Variants in SGMS1 observed in about 807,000 individuals in gnomAD.
SGMS1 encodes sphingomyelin synthase 1.
In SGMS1, 13 loss-of-function variants were observed where a neutral mutation model predicts 46.2. The ratio of observed to expected loss-of-function variants is 0.28; its 90% confidence interval spans 0.18 to 0.45. The LOEUF (loss-of-function observed/expected upper bound fraction) is 0.45, where lower values mean the gene tolerates loss of function less well. Among genes scored for constraint, SGMS1 ranks in the 20% least tolerant of loss-of-function variants. The pLI is 1.00. For synonymous variants in SGMS1, 203 were observed against 187.8 expected, an observed-to-expected ratio of 1.08 and a Z score of -0.66; for missense variants, 324 against 519.9, an observed-to-expected ratio of 0.62 and a Z score of 3.66.
chr10:50,327,173 A>C lies in SGMS1; in HGVS notation c.741+32T>G, dbSNP rs1847545155. The stretch of plus-strand genomic sequence containing the variant: ...CCCCAGGGCAAGACAAGAAACAAAC[A>C]GAAAGCGAAATTACAGCGAGGAATA... On this transcript the variant is annotated intron_variant, in intron 8 of 10. Transcript: ENST00000361781. 3.7e-6 allele frequency: 5 copies of C among 1,369,276 alleles called. No homozygotes were observed. In the East Asian group the frequency reaches 1.2e-4, roughly 32 times the overall value. The allele number at this position is 1,369,276 out of a possible 1,614,324, so 84.8% of individuals were successfully genotyped here.
intron 2 of SGMS1, among the ~76,000 whole-genome samples, chr10:50,544,064 T>C (rs1285537597): frequency 6.6e-6 from 1 of 152,220 alleles, no homozygotes; most frequent in Admixed American, 6.5e-5. Context: ...GATGTGTAGG[T>C]TCTGATACAT....
intron 2 of SGMS1, among the ~76,000 whole-genome samples, chr10:50,578,340 A>G (rs10508930): frequency 0.12 from 18,688 of 152,182 alleles, 1,423 homozygotes; most frequent in East Asian, 0.34. Flanking sequence ...AAACCTATTA[A>G]TTCAGCTTTT....
chr10:50,552,093 T>C (rs1242387342), intron 2 of SGMS1, among the ~76,000 whole-genome samples: 1 of 152,218 alleles, frequency 6.6e-6, no homozygotes, highest in Non-Finnish European at 1.5e-5. Flanking sequence ...GGCAGAAGGC[T>C]GGATTTGGCC....
intron 6 of SGMS1, among the ~76,000 whole-genome samples, chr10:50,415,245 A>G (rs911216666): frequency 1.3e-5 from 2 of 152,268 alleles, no homozygotes; most frequent in African/African-American, 2.4e-5. Context: ...AATAATTCTT[A>G]GCAAACATAC....
At position 50,390,201 on chromosome 10, in the gene SGMS1, G is replaced by A. The variant is rs141227101; in HGVS notation, c.-232+43275C>T. ...ATTCGGTACTACAAATACATGTAAC[G>A]TCACTAAATCAAATGCATAAATCAT... On this transcript the variant is annotated intron_variant, in intron 6 of 10. Coordinates refer to ENST00000361781, the MANE Select transcript of SGMS1 (RefSeq NM_147156.4). 2.6e-4 allele frequency among the ~76,000 whole-genome samples: 39 copies of A among 152,246 alleles called. No individual in the cohort carries two copies. In the East Asian group the frequency reaches 6.7e-3, roughly 26 times the overall value.
At chr10:50,600,812 A>C (rs1363156778) in intron 1 of SGMS1, among the ~76,000 whole-genome samples, 1 of 152,206 alleles carries the variant, frequency 6.6e-6, no homozygotes, top group Admixed American at 6.5e-5. Context: ...GTTCTCAAGC[A>C]CATCCACTCT....
At chr10:50,356,908 G>C (rs893452286) in intron 6 of SGMS1, among the ~76,000 whole-genome samples, 1 of 151,912 alleles carries the variant, frequency 6.6e-6, no homozygotes, top group Non-Finnish European at 1.5e-5. Flanking sequence ...CACACACCGG[G>C]GCCTATTGTG....
At chr10:50,406,494 C>G (rs1316702425) in intron 6 of SGMS1, among the ~76,000 whole-genome samples, 1 of 152,190 alleles carries the variant, frequency 6.6e-6, no homozygotes, top group Admixed American at 6.5e-5. Context: ...AGCAACTGCT[C>G]TGCCATGCAG....
At chr10:50,588,721 ATTTTTTTTTTT>A (rs71029314) in intron 2 of SGMS1, among the ~76,000 whole-genome samples, 2 of 92,220 alleles carry the variant, frequency 2.2e-5, no homozygotes, top group East Asian at 3.6e-4. Flanking sequence ...GACTGATCTA[ATTTTTTTTTTT>A]TTTTTTTTTT....
chr10:50,344,987 C>T (rs1466858069), intron 6 of SGMS1, among the ~76,000 whole-genome samples: 1 of 152,144 alleles, frequency 6.6e-6, no homozygotes, highest in Non-Finnish European at 1.5e-5. Context: ...TCCTTACATG[C>T]TTCCTGAGAT....
chr10:50,351,155 A>G (rs1848004582), intron 6 of SGMS1, among the ~76,000 whole-genome samples: 1 of 152,160 alleles, frequency 6.6e-6, no homozygotes, highest in African/African-American at 2.4e-5. Context: ...TGGAGCTTTA[A>G]TATTTGACTG....
intron 3 of SGMS1, among the ~76,000 whole-genome samples, chr10:50,477,674 A>T (rs1837439727): frequency 6.6e-6 from 1 of 152,150 alleles, no homozygotes; most frequent in Admixed American, 6.5e-5. Context: ...TGGTTGGATC[A>T]TGGGTGTGGT....
At chr10:50,368,468 T>A (rs1848385160) in intron 6 of SGMS1, among the ~76,000 whole-genome samples, 3 of 152,358 alleles carry the variant, frequency 2.0e-5, no homozygotes, top group African/African-American at 7.2e-5. Flanking sequence ...TCAATTCTCC[T>A]GACTCAGCCT....
chr10:50,506,809 C>T (rs1837710646), intron 3 of SGMS1, among the ~76,000 whole-genome samples: 2 of 152,178 alleles, frequency 1.3e-5, no homozygotes, highest in African/African-American at 4.8e-5. Flanking sequence ...TTAGCTGCAC[C>T]CTTCCCAGGT....
chr10:50,368,467 C>T (rs1438523534), intron 6 of SGMS1, among the ~76,000 whole-genome samples: 1 of 152,200 alleles, frequency 6.6e-6, no homozygotes, highest in Non-Finnish European at 1.5e-5. Flanking sequence ...ATCAATTCTC[C>T]TGACTCAGCC....
intron 6 of SGMS1, among the ~76,000 whole-genome samples, chr10:50,389,625 T>C (rs897689822): frequency 6.6e-6 from 1 of 152,178 alleles, no homozygotes; most frequent in African/African-American, 2.4e-5. Context: ...CATCCCCACA[T>C]GCACACAGCC....
intron 6 of SGMS1, among the ~76,000 whole-genome samples, chr10:50,414,571 T>C (rs1849143530): frequency 6.6e-6 from 1 of 152,210 alleles, no homozygotes; most frequent in Non-Finnish European, 1.5e-5. Context: ...TTTACATGGA[T>C]TATATAATTT....
At chr10:50,614,641 C>T (rs769434138) in intron 1 of SGMS1, among the ~76,000 whole-genome samples, 28 of 152,298 alleles carry the variant, frequency 1.8e-4, no homozygotes, top group Middle Eastern at 3.4e-3. Context: ...AAGCAGCCTT[C>T]GAGTGATTCT....
At chr10:50,610,552 T>G (rs4935737) in intron 1 of SGMS1, among the ~76,000 whole-genome samples, 67,582 of 151,770 alleles carry the variant, frequency 0.45, 16,024 homozygotes, top group East Asian at 0.68. Context: ...AAAATCAAAG[T>G]GAGAGGGAAA....
Sources: gnomAD v4.1 joint callset for allele counts (sites outside exome capture counted in the v4.1 genomes callset) on GRCh38, gnomAD v4.1.1 for gene constraint, MANE v1.5 for transcripts, NCBI Gene and HGNC (gene_info 2026-07-23, HGNC 2026-07-21) for gene names.